Variants in FAM114A2 observed in about 807,000 individuals in gnomAD.
The protein encoded by FAM114A2 is family with sequence similarity 114 member A2.
In FAM114A2, 53 loss-of-function variants were observed where a neutral mutation model predicts 58.4. That is an observed-to-expected ratio of 0.91 (90% CI 0.73 to 1.14). The LOEUF is 1.14. Ranked by LOEUF, FAM114A2 falls within the 50% of genes most tolerant of loss-of-function variation. The pLI is 0.00. For missense variants in FAM114A2, 601 were observed against 581.1 expected (o/e 1.03, Z -0.35); for synonymous variants, 228 against 211.4 (o/e 1.08, Z -0.68).
At chr5:153,996,285 A>G (rs564963766) in intron 12 of FAM114A2, among the ~76,000 whole-genome samples, 5 of 152,314 alleles carry the variant, frequency 3.3e-5, no homozygotes, top group African/African-American at 1.2e-4. Flanking sequence ...AGCCAAGAGA[A>G]TTTAACGGAG....
chr5:154,032,121 C>G (rs1213026887), intron 4 of FAM114A2, among the ~76,000 whole-genome samples: 2 of 152,196 alleles, frequency 1.3e-5, no homozygotes, highest in East Asian at 3.9e-4. Flanking sequence ...AAGAAGGCAA[C>G]CACTTGCCCC....
At position 153,993,027 on chromosome 5, in the gene FAM114A2, A is replaced by T; in HGVS notation, c.1467T>A (p.Ile489=). 1.2e-6 allele frequency: 2 copies of T among 1,613,612 alleles called. No homozygotes were observed. Among genetic ancestry groups the T allele is most frequent in the Non-Finnish European group, 1.7e-6 (2 of 1,179,604 alleles). The change falls in exon 14 of 14, where the codon ATT becomes ATA. Residue 489 remains isoleucine (I), a synonymous_variant. Transcript: ENST00000351797. ...VLEISLIENK[I]ESHRHELQGQ... Reference sequence around the variant, plus strand: ...CCTGCAGCTCATGTCTGTGTGATTCAATCTTGTTCTCAATGAGAGAGATCT... The same window carrying T: ...CCTGCAGCTCATGTCTGTGTGATTCTATCTTGTTCTCAATGAGAGAGATCT...
intron 8 of FAM114A2, among the ~76,000 whole-genome samples, chr5:154,024,524 T>C (rs1263072296): frequency 6.6e-6 from 1 of 152,164 alleles, no homozygotes; most frequent in Non-Finnish European, 1.5e-5. Context: ...ATTCAGTCTG[T>C]TATGTTGCTT....
intron 11 of FAM114A2, among the ~76,000 whole-genome samples, chr5:153,998,989 T>C (rs1769777873): frequency 1.3e-5 from 2 of 152,180 alleles, no homozygotes; most frequent in African/African-American, 4.8e-5. Context: ...GAATTTTCTA[T>C]CCGTAAAACT....
At chr5:154,026,846 T>G (rs1383903105) in intron 7 of FAM114A2, among the ~76,000 whole-genome samples, 2 of 144,892 alleles carry the variant, frequency 1.4e-5, no homozygotes, top group Non-Finnish European at 3.0e-5. Context: ...GCAGCTCAAG[T>G]CAACAGGTTT....
chr5:154,021,469 G>A (rs1466244014), intron 8 of FAM114A2, among the ~76,000 whole-genome samples: 1 of 152,182 alleles, frequency 6.6e-6, no homozygotes, highest in Non-Finnish European at 1.5e-5. Context: ...CAAAATCGAT[G>A]TTGAAAAATC....
chr5:154,015,727 C>CA (rs1259372589), intron 8 of FAM114A2, among the ~76,000 whole-genome samples: 1 of 151,978 alleles, frequency 6.6e-6, no homozygotes, highest in Non-Finnish European at 1.5e-5. Context: ...TTAACACCCC[C>CA]AAAAATCACA....
At chr5:154,035,527 CCTTTTT>C (rs1343703502) in intron 1 of FAM114A2, among the ~76,000 whole-genome samples, 1 of 152,228 alleles carries the variant, frequency 6.6e-6, no homozygotes, top group Admixed American at 6.5e-5. Flanking sequence ...AGTATTCCTT[CCTTTTT>C]ATTTCTGAGT....
chr5:154,021,869 G>A (rs1379379782), intron 8 of FAM114A2, among the ~76,000 whole-genome samples: 2 of 152,118 alleles, frequency 1.3e-5, no homozygotes, highest in Non-Finnish European at 1.5e-5. Flanking sequence ...AACAAAGCTG[G>A]AGGCATCATA....
At chr5:154,007,473 T>C (rs1770431053) in intron 9 of FAM114A2, among the ~76,000 whole-genome samples, 1 of 152,226 alleles carries the variant, frequency 6.6e-6, no homozygotes, top group Non-Finnish European at 1.5e-5. Flanking sequence ...CAGCCTGCCA[T>C]ATAAATCTTT....
chr5:154,002,504 T>C lies in FAM114A2; in HGVS notation c.1117-114A>G, dbSNP rs1734930970. On this transcript the variant is annotated intron_variant, in intron 10 of 13. Coordinates refer to ENST00000351797, the MANE Select transcript of FAM114A2 (RefSeq NM_018691.4). ...GCAGAGACTAATAGTTGCCTTCCAATAAAGAGTGTCTTCTTCTTCCACAGT... is the reference window on the plus strand; with the variant it reads ...GCAGAGACTAATAGTTGCCTTCCAACAAAGAGTGTCTTCTTCTTCCACAGT... 12 of 1,119,146 alleles carry C rather than the reference T, an allele frequency of 1.1e-5. No individual in the cohort carries two copies. The South Asian group carries it at 1.6e-4, about 15-fold the overall frequency. 69.3% of individuals were successfully genotyped at this position (1,119,146 alleles called of 1,614,324 possible). A position where few individuals can be genotyped will look rare whatever the true frequency, so the allele number is the denominator to read the frequency against.
intron 9 of FAM114A2, among the ~76,000 whole-genome samples, chr5:154,006,677 A>G (rs940414212): frequency 6.6e-6 from 1 of 152,204 alleles, no homozygotes; most frequent in Non-Finnish European, 1.5e-5. Flanking sequence ...ATCTTTGAAG[A>G]GACAAATTGA....
chr5:154,031,458 T>C (rs999456020), intron 4 of FAM114A2, among the ~76,000 whole-genome samples: 4 of 152,116 alleles, frequency 2.6e-5, no homozygotes, highest in Admixed American at 6.6e-5. Flanking sequence ...ATCAATGGCC[T>C]ATGCTTATCT....
chr5:154,036,353 T>C (rs1352473947), intron 1 of FAM114A2: 2 of 152,164 alleles, frequency 1.3e-5, no homozygotes, highest in Non-Finnish European at 2.9e-5. Context: ...GTAGAGCTCT[T>C]TGGCAATTAA....
Position 153,990,928 on chromosome 5 carries a change from T to C in FAM114A2, c.*2048A>G, listed in dbSNP as rs1296434948. 3 of 152,232 alleles carry C rather than the reference T, an allele frequency of 2.0e-5. No homozygotes were observed. Among genetic ancestry groups the C allele is most frequent in the East Asian group, 3.8e-4 (2 of 5,206 alleles). The allele number at this position is 152,232 out of a possible 1,614,324, so 9.4% of individuals were successfully genotyped here. A position where few individuals can be genotyped will look rare whatever the true frequency, so the allele number is the denominator to read the frequency against. On this transcript the variant is annotated 3_prime_UTR_variant, in exon 14 of 14. Coordinates refer to ENST00000351797, the MANE Select transcript of FAM114A2 (RefSeq NM_018691.4). ...TTCCAAAGTGATCCCTGAATTTACCTACTCATCTGTCATGAATGTTTATGT... is the reference window on the plus strand; with the variant it reads ...TTCCAAAGTGATCCCTGAATTTACCCACTCATCTGTCATGAATGTTTATGT...
At chr5:154,016,446 T>C (rs1433670834) in intron 8 of FAM114A2, among the ~76,000 whole-genome samples, 2 of 152,144 alleles carry the variant, frequency 1.3e-5, no homozygotes, top group East Asian at 3.8e-4. Flanking sequence ...CTAGAAGGGA[T>C]TGGGGCCCTA....
chr5:154,011,465 T>C, intron 8 of FAM114A2, 145 bp from the exon 9 acceptor site: 1 of 596,790 alleles, frequency 1.7e-6, no homozygotes, highest in East Asian at 2.8e-5. Context: ...TACATGAGCA[T>C]GGTGCTTTAG....
intron 4 of FAM114A2, among the ~76,000 whole-genome samples, chr5:154,031,615 C>G (rs1162692949): frequency 6.6e-6 from 1 of 152,132 alleles, no homozygotes; most frequent in African/African-American, 2.4e-5. Flanking sequence ...CTGTTAAACT[C>G]TTTATTAAAC....
intron 10 of FAM114A2, 44 bp downstream of exon 10, chr5:154,002,803 A>C: frequency 1.2e-6 from 2 of 1,609,574 alleles, no homozygotes; most frequent in Non-Finnish European, 1.7e-6. Flanking sequence ...GACACATTTC[A>C]AATCTACTAA....
Sources: allele counts gnomAD v4.1 joint callset (sites outside exome capture counted in the v4.1 genomes callset), GRCh38; gene constraint gnomAD v4.1.1; transcripts MANE v1.5; gene names NCBI Gene and HGNC (gene_info 2026-07-23, HGNC 2026-07-21).